Variants in GRIN2A observed in about 807,000 individuals in gnomAD.
The protein encoded by GRIN2A is glutamate ionotropic receptor NMDA type subunit 2A, also known as glutamate receptor ionotropic, NMDA 2A.
A neutral mutation model predicts 113.4 loss-of-function variants in GRIN2A; 22 were observed. The observed-to-expected ratio is 0.19, with a 90% CI of 0.14 to 0.28. The LOEUF is 0.28. Ranked by LOEUF, GRIN2A falls within the 10% of genes least tolerant of loss-of-function variation. The pLI, the probability that GRIN2A is intolerant of heterozygous loss-of-function variation, is 1.00. For missense variants in GRIN2A, 1,502 were observed against 1,887.0 expected (o/e 0.80, Z 3.78); for synonymous variants, 827 against 738.4 (o/e 1.12, Z -1.94).
chr16:9,760,249 T>G lies in GRIN2A; in HGVS notation c.*2900A>C, dbSNP rs1425467524. 1 of 228,858 alleles carries G rather than the reference T, an allele frequency of 4.4e-6. No homozygotes were observed. Among genetic ancestry groups the G allele is most frequent in the African/African-American group, 2.2e-5 (1 of 45,126 alleles). The allele number at this position is 228,858 out of a possible 1,614,324, so 14.2% of individuals were successfully genotyped here. A position where few individuals can be genotyped will look rare whatever the true frequency, so the allele number is the denominator to read the frequency against. On this transcript the variant is annotated 3_prime_UTR_variant, in exon 13 of 13. Coordinates refer to ENST00000330684, the MANE Select transcript of GRIN2A (RefSeq NM_001134407.3). ...TTAATTCTTGTTACTTCTCATACTGTGGGTTCCATTTACCACTGGACGTTA... is the reference window on the plus strand; with the variant it reads ...TTAATTCTTGTTACTTCTCATACTGGGGGTTCCATTTACCACTGGACGTTA...
intron 2 of GRIN2A, among the ~76,000 whole-genome samples, chr16:10,102,223 T>A (rs1308933350): frequency 6.6e-6 from 1 of 152,256 alleles, no homozygotes; most frequent in East Asian, 1.9e-4. Flanking sequence ...CATTAGATCA[T>A]GGGGGCAGAT....
intron 4 of GRIN2A, among the ~76,000 whole-genome samples, chr16:9,864,732 A>G (rs1023347990): frequency 5.9e-5 from 9 of 152,196 alleles, no homozygotes; most frequent in African/African-American, 2.2e-4. Flanking sequence ...CAATCAGTGG[A>G]ACAGCATTTC....
chr16:9,756,867 A>T lies in GRIN2A; in HGVS notation c.*6282T>A, dbSNP rs16966252. 2,704 of 184,154 alleles carry T rather than the reference A, an allele frequency of 0.015. 57 individuals carry two copies. Among genetic ancestry groups the T allele is most frequent in the African/African-American group, 0.059 (2,511 of 42,674 alleles). 11.4% of individuals were successfully genotyped at this position (184,154 alleles called of 1,614,324 possible). On this transcript the variant is annotated 3_prime_UTR_variant, in exon 13 of 13. Transcript: ENST00000330684. ...GCCATCCTTCCTGAAATACACCTCT[A>T]TTCCTTTTGCCATCTCTTTGCCCCG...
chr16:9,925,834 TC>T (rs2044453410), intron 3 of GRIN2A, among the ~76,000 whole-genome samples: 1 of 152,130 alleles, frequency 6.6e-6, no homozygotes. Flanking sequence ...CAAACATATC[TC>T]CAAGTAGTTA....
At chr16:10,108,708 CTAG>C (rs1303725526) in intron 2 of GRIN2A, among the ~76,000 whole-genome samples, 1 of 152,186 alleles carries the variant, frequency 6.6e-6, no homozygotes. Flanking sequence ...TACTGCTGTG[CTAG>C]CATACTTGGA....
chr16:10,065,872 G>A (rs913113802), intron 2 of GRIN2A, among the ~76,000 whole-genome samples: 2 of 152,116 alleles, frequency 1.3e-5, no homozygotes, highest in Admixed American at 1.3e-4. Flanking sequence ...ACATGGTTTG[G>A]TCATTCCTCC....
chr16:10,025,037 G>A (rs1784541924), intron 2 of GRIN2A, among the ~76,000 whole-genome samples: 1 of 152,022 alleles, frequency 6.6e-6, no homozygotes, highest in South Asian at 2.1e-4. Flanking sequence ...GGGAGGAAGA[G>A]GGAAGAGAGG....
intron 2 of GRIN2A, among the ~76,000 whole-genome samples, chr16:10,061,483 C>G (rs1340199993): frequency 6.6e-6 from 1 of 152,198 alleles, no homozygotes. Flanking sequence ...ATACTCATTT[C>G]CACTCATTCA....
rs74495883 is a variant in GRIN2A, at chr16:10,110,320, T to A, written c.414+69678A>T. 3.3e-5 allele frequency among the ~76,000 whole-genome samples: 5 copies of A among 152,132 alleles called. No homozygotes were observed. In the South Asian group the frequency reaches 6.2e-4, roughly 19 times the overall value. On this transcript the variant is annotated intron_variant, in intron 2 of 12. Transcript: ENST00000330684. ...CGTGGTAATGGATGAGACTGGAGAA[T>A]AGACAAGGCTAGATCACACAGGACC...
At chr16:9,989,374 T>C (rs2046054028) in intron 2 of GRIN2A, among the ~76,000 whole-genome samples, 1 of 152,154 alleles carries the variant, frequency 6.6e-6, no homozygotes, top group South Asian at 2.1e-4. Flanking sequence ...TCTTTTACTA[T>C]ATACAAAAAT....
rs2048619595 is a variant in GRIN2A at position 10,111,776 on chromosome 16, A to T, written c.414+68222T>A. On this transcript the variant is annotated intron_variant, in intron 2 of 12. Coordinates refer to ENST00000330684, the MANE Select transcript of GRIN2A (RefSeq NM_001134407.3). ...TCACACACTGTGGGTGATGTGCTGG[A>T]GGCCAAGATCCGGCATGGCTTCTCT... is the stretch of plus-strand genomic sequence containing the variant. The T allele has an allele frequency of 4.7e-6, 7 of 1,476,292 alleles. No individual in the cohort carries two copies. In the South Asian group the frequency reaches 8.0e-5, roughly 17 times the overall value. 91.4% of individuals were successfully genotyped at this position (1,476,292 alleles called of 1,614,324 possible). A position where few individuals can be genotyped will look rare whatever the true frequency, so the allele number is the denominator to read the frequency against.
intron 11 of GRIN2A, among the ~76,000 whole-genome samples, chr16:9,775,194 C>A (rs1433029382): frequency 6.6e-6 from 1 of 152,106 alleles, no homozygotes; most frequent in African/African-American, 2.4e-5. Flanking sequence ...TCCACAGGCA[C>A]ACGTCTACAT....
chr16:10,014,956 T>C (rs1330394378), intron 2 of GRIN2A, among the ~76,000 whole-genome samples: 4 of 152,026 alleles, frequency 2.6e-5, no homozygotes, highest in Non-Finnish European at 4.4e-5. Flanking sequence ...TATAATCATT[T>C]AAATAAGAAA....
At chr16:10,165,932 T>C (rs1249078180) in intron 2 of GRIN2A, among the ~76,000 whole-genome samples, 1 of 152,152 alleles carries the variant, frequency 6.6e-6, no homozygotes, top group Non-Finnish European at 1.5e-5. Context: ...ACCCAAGGCC[T>C]GCCATTTTCA....
intron 2 of GRIN2A, among the ~76,000 whole-genome samples, chr16:10,134,017 TG>T (rs979529472): frequency 9.3e-5 from 14 of 150,782 alleles, no homozygotes; most frequent in African/African-American, 3.4e-4. Context: ...ACCCCACCTC[TG>T]AAAAAGAAAA....
At position 10,093,606 on chromosome 16, in the gene GRIN2A, G is replaced by C. The variant is rs923692848; in HGVS notation, c.414+86392C>G. On this transcript the variant is annotated intron_variant, in intron 2 of 12. Transcript: ENST00000330684. The stretch of plus-strand genomic sequence containing the variant: ...TCTCTGGGTGTTTTAGGGAATACCC[G>C]GGCAACAAAGTGAAAAAAAAAAACA... Among the ~76,000 whole-genome samples the C allele has an allele frequency of 2.7e-5, 4 of 147,762 alleles. No homozygotes were observed. In the South Asian group the frequency reaches 9.1e-4, roughly 34 times the overall value.
chr16:9,940,314 T>C (rs1024080625), intron 2 of GRIN2A, among the ~76,000 whole-genome samples: 1 of 152,158 alleles, frequency 6.6e-6, no homozygotes, highest in Non-Finnish European at 1.5e-5. Flanking sequence ...CAAGAATAAA[T>C]GTCTTCTGGG....
At chr16:10,172,999 A>C (rs1302328659) in intron 2 of GRIN2A, among the ~76,000 whole-genome samples, 1 of 152,128 alleles carries the variant, frequency 6.6e-6, no homozygotes, top group Non-Finnish European at 1.5e-5. Flanking sequence ...GAGAAAGAAG[A>C]TAAACACCGC....
chr16:10,019,221 T>C (rs1292858957), intron 2 of GRIN2A, among the ~76,000 whole-genome samples: 5 of 152,160 alleles, frequency 3.3e-5, no homozygotes, highest in African/African-American at 1.2e-4. Flanking sequence ...GTGTGGCGAG[T>C]ATAAGGATAA....
Sources: gnomAD v4.1 joint callset for allele counts (sites outside exome capture counted in the v4.1 genomes callset) on GRCh38, gnomAD v4.1.1 for gene constraint, MANE v1.5 for transcripts, NCBI Gene and HGNC (gene_info 2026-07-23, HGNC 2026-07-21) for gene names.